Variants in CHTF18 observed in about 807,000 individuals in gnomAD.
CHTF18 encodes chromosome transmission fidelity factor 18.
A neutral mutation model predicts 113.4 loss-of-function variants in CHTF18; 151 were observed. The observed-to-expected ratio is 1.33, with a 90% CI of 1.17 to 1.52. The LOEUF is 1.52. Among genes scored for constraint, CHTF18 ranks in the 40% most tolerant of loss-of-function variants. The pLI is 0.00. For synonymous variants in CHTF18, 916 were observed against 598.8 expected, an observed-to-expected ratio of 1.53 and a Z score of -7.74; for missense variants, 1,982 against 1,381.6, an observed-to-expected ratio of 1.43 and a Z score of -6.89.
rs200840110 is a variant in CHTF18, at chr16:796,005, C to G, written c.2384C>G (p.Thr795Arg). The change falls in exon 18 of 22, where the codon ACG becomes AGG. Residue 795 changes from threonine to arginine, a missense_variant. Thr to Arg is a moderately conservative substitution (Grantham distance 71). Transcript: ENST00000262315. ...CAACAGCTGGCCAGCCTGGTGGGCACGATGCTCGCTTACAGCCTGACCTAC... is the reference window on the plus strand; with the variant it reads ...CAACAGCTGGCCAGCCTGGTGGGCAGGATGCTCGCTTACAGCCTGACCTAC... ...EKQQLASLVG[T>R]MLAYSLTYRQ... 6.2e-7 allele frequency: 1 copy of G among 1,607,644 alleles called. No individual in the cohort carries two copies. The highest frequency in any genetic ancestry group is 8.5e-7 in the Non-Finnish European group (1 of 1,177,764).
chr16:793,973 C>T lies in CHTF18; in HGVS notation c.1803-81C>T, dbSNP rs527448482. The T allele has an allele frequency of 4.7e-6, 7 of 1,486,230 alleles. No homozygotes were observed. In the African/African-American group the frequency reaches 8.3e-5, roughly 18 times the overall value. 92.1% of individuals were successfully genotyped at this position (1,486,230 alleles called of 1,614,324 possible). On this transcript the variant is annotated intron_variant, in intron 14 of 21. Transcript: ENST00000262315. ...GAAGTGGGTGGCAGCTCTGATGGGG[C>T]CTCTGAGTGTCCCGGGGAGACGGGT...
At position 793,162 on chromosome 16, in the gene CHTF18, C is replaced by T. The variant is rs1261342700; in HGVS notation, c.1690C>T (p.Gln564Ter). 5 of 1,604,952 alleles carry T rather than the reference C, an allele frequency of 3.1e-6. No homozygotes were observed. Among genetic ancestry groups the T allele is most frequent in the Middle Eastern group, 1.9e-4 (1 of 5,376 alleles). The change falls in exon 14 of 22, where the codon CAG (glutamine) becomes TAG (stop). Residue 564 changes from glutamine to a stop codon, truncating the protein, a stop_gained. Transcript: ENST00000262315. LOFTEE classifies it high-confidence loss of function. ...TGTCTAGTTCCTGTACAGCCGGGGC[C>T]AGCGGGAGCTGAGCGTGCGGGACGT... ...NTLQFLYSRG[Q>*]RELSVRDVQA... is the part of the protein sequence containing the mutation.
intron 4 of CHTF18, 62 bp downstream of exon 4, chr16:789,777 G>A (rs1374766011): frequency 6.7e-7 from 1 of 1,485,520 alleles, no homozygotes. Context: ...AAGGGTCCTT[G>A]GAGCCCCTCA....
Sources: allele counts gnomAD v4.1 joint callset, GRCh38; gene constraint gnomAD v4.1.1; transcripts MANE v1.5; gene names NCBI Gene and HGNC (gene_info 2026-07-23, HGNC 2026-07-21).